CPXM2: variants seen among roughly 807,000 people sequenced by gnomAD.
CPXM2 encodes the protein inactive carboxypeptidase-like protein X2.
A neutral mutation model predicts 86.1 loss-of-function variants in CPXM2; 66 were observed. That is an observed-to-expected ratio of 0.77 (90% confidence interval 0.63 to 0.94). The LOEUF (loss-of-function observed/expected upper bound fraction) is 0.94. Among genes scored for constraint, CPXM2 ranks in the 40% least tolerant of loss-of-function variants. The probability of loss-of-function intolerance (pLI) is 0.00; values close to 1 mark genes in which losing one functional copy is unlikely to be tolerated. For synonymous variants in CPXM2, 388 were observed against 400.2 expected (o/e 0.97, Z 0.36); for missense variants, 948 against 1,026.3 (o/e 0.92, Z 1.04).
upstream of CPXM2, among the ~76,000 whole-genome samples, chr10:123,943,998 C>T (rs1202796016): frequency 5.9e-5 from 9 of 152,196 alleles, no homozygotes; most frequent in Admixed American, 5.9e-4. Context: ...CCTGCTTCTG[C>T]TTCCAGCCAG....
intron 7 of CPXM2, among the ~76,000 whole-genome samples, chr10:123,773,308 G>A (rs1466659415): frequency 4.6e-5 from 7 of 151,478 alleles, no homozygotes; most frequent in Admixed American, 2.0e-4. Context: ...TTCCCTGGTC[G>A]TGGTTATCAC....
intron 2 of CPXM2, among the ~76,000 whole-genome samples, chr10:123,925,805 C>T (rs1045334005): frequency 2.6e-5 from 4 of 152,160 alleles, no homozygotes; most frequent in African/African-American, 9.7e-5. Context: ...TACTAAGTGT[C>T]AAGGCTCTGT....
At chr10:123,846,365 T>C (rs1289050282) in intron 3 of CPXM2, among the ~76,000 whole-genome samples, 4 of 152,218 alleles carry the variant, frequency 2.6e-5, no homozygotes, top group Non-Finnish European at 4.4e-5. Flanking sequence ...CCAGATCCCC[T>C]ATATGCACAG....
At chr10:123,917,344 T>C (rs1021890916) in intron 2 of CPXM2, among the ~76,000 whole-genome samples, 2 of 152,236 alleles carry the variant, frequency 1.3e-5, no homozygotes. Flanking sequence ...TTAAATTACA[T>C]AGTCATTTCT....
chr10:123,911,346 G>GAT (rs1564820639), intron 2 of CPXM2, among the ~76,000 whole-genome samples: 4 of 152,062 alleles, frequency 2.6e-5, no homozygotes, highest in Non-Finnish European at 5.9e-5. Flanking sequence ...AGGTCCCCCG[G>GAT]CAGCTGCTAG....
At chr10:123,753,075 C>T (rs1009007403) in intron 13 of CPXM2, among the ~76,000 whole-genome samples, 3 of 152,088 alleles carry the variant, frequency 2.0e-5, no homozygotes, top group Non-Finnish European at 4.4e-5. Flanking sequence ...GTTGGTTGCA[C>T]TGAGAGGGTG....
intron 6 of CPXM2, among the ~76,000 whole-genome samples, chr10:123,780,821 A>AG (rs113353679): frequency 1.3e-5 from 2 of 152,254 alleles, no homozygotes; most frequent in African/African-American, 4.8e-5. Flanking sequence ...TCAAGTCCCC[A>AG]GCTCCAGGGC....
chr10:123,796,519 T>TGAGG (rs1157391232), intron 6 of CPXM2, among the ~76,000 whole-genome samples: 1 of 152,126 alleles, frequency 6.6e-6, no homozygotes, highest in Non-Finnish European at 1.5e-5. Flanking sequence ...ATGACCAGTG[T>TGAGG]GAGGGTAAGC....
At chr10:123,784,242 G>A (rs1847000301) in intron 6 of CPXM2, among the ~76,000 whole-genome samples, 1 of 152,174 alleles carries the variant, frequency 6.6e-6, no homozygotes, top group Admixed American at 6.5e-5. Context: ...TACAAGCCAA[G>A]GGATGTCAAA....
intron 2 of CPXM2, among the ~76,000 whole-genome samples, chr10:123,902,463 A>G (rs771544363): frequency 6.6e-6 from 1 of 151,978 alleles, no homozygotes; most frequent in African/African-American, 2.4e-5. Flanking sequence ...GTCTTAGTCC[A>G]TTAGGGCTGC....
At chr10:123,824,194 GA>G (rs1393064077) in intron 4 of CPXM2, among the ~76,000 whole-genome samples, 3 of 152,168 alleles carry the variant, frequency 2.0e-5, no homozygotes, top group Non-Finnish European at 4.4e-5. Flanking sequence ...AATAAAATTG[GA>G]AAGCATTTTG....
chr10:123,782,315 C>CG (rs1846953076), intron 6 of CPXM2, among the ~76,000 whole-genome samples: 1 of 152,214 alleles, frequency 6.6e-6, no homozygotes, highest in East Asian at 1.9e-4. Flanking sequence ...CCCTAAACCT[C>CG]GGGGGCGTCT....
intron 2 of CPXM2, among the ~76,000 whole-genome samples, chr10:123,927,654 G>T (rs1945635347): frequency 1.3e-5 from 2 of 152,160 alleles, no homozygotes; most frequent in African/African-American, 4.8e-5. Flanking sequence ...GCTCCCAACT[G>T]CACCTGGTTC....
chr10:123,932,774 G>A (rs896095743), intron 2 of CPXM2, among the ~76,000 whole-genome samples: 1 of 152,236 alleles, frequency 6.6e-6, no homozygotes, highest in African/African-American at 2.4e-5. Flanking sequence ...TGCAGGAAGT[G>A]TGGGAGTTTC....
chr10:123,807,631 T>A (rs1847608442), intron 4 of CPXM2, among the ~76,000 whole-genome samples: 1 of 152,108 alleles, frequency 6.6e-6, no homozygotes, highest in Non-Finnish European at 1.5e-5. Context: ...GTACAGCAAG[T>A]CGTGGGAGGG....
chr10:123,904,912 A>ATCTGCATCCTAGTGACCTCCCCTC (rs1184917723), intron 2 of CPXM2, among the ~76,000 whole-genome samples: 1 of 131,662 alleles, frequency 7.6e-6, no homozygotes, highest in Non-Finnish European at 1.6e-5. Flanking sequence ...GCTCTGCATC[A>ATCTGCATCCTAGTGACCTCCCCTC]CACCTGCATC....
chr10:123,857,174 G>GT (rs910334334), intron 3 of CPXM2, among the ~76,000 whole-genome samples: 30 of 151,848 alleles, frequency 2.0e-4, no homozygotes, highest in African/African-American at 6.8e-4. Context: ...GTAAATGTTG[G>GT]TTTTTTTCTC....
At chr10:123,847,656 G>C (rs1848524064) in intron 3 of CPXM2, among the ~76,000 whole-genome samples, 1 of 152,140 alleles carries the variant, frequency 6.6e-6, no homozygotes, top group African/African-American at 2.4e-5. Context: ...GTGTTTGTTT[G>C]TTATAAAATT....
intron 3 of CPXM2, among the ~76,000 whole-genome samples, chr10:123,845,850 G>C (rs1050345980): frequency 6.6e-6 from 1 of 152,078 alleles, no homozygotes; most frequent in Non-Finnish European, 1.5e-5. Context: ...CACACACAAA[G>C]AAAGAAAGAG....
Sources: allele counts gnomAD v4.1 joint callset (sites outside exome capture counted in the v4.1 genomes callset), GRCh38; gene constraint gnomAD v4.1.1; transcripts MANE v1.5; gene names NCBI Gene and HGNC (gene_info 2026-07-23, HGNC 2026-07-21).